ATP8B1: variants seen among roughly 807,000 people sequenced by gnomAD.
The protein encoded by ATP8B1 is ATPase phospholipid transporting 8B1, also known as phospholipid-transporting ATPase IC.
In ATP8B1, 80 loss-of-function variants were observed where a neutral mutation model predicts 149.9. The ratio of observed to expected loss-of-function variants is 0.53; its 90% CI spans 0.45 to 0.64. The LOEUF is 0.64. ATP8B1 is among the 30% of genes least tolerant of loss of function. ATP8B1 has a pLI of 0.00. For missense variants in ATP8B1, 1,247 were observed against 1,552.6 expected, an observed-to-expected ratio of 0.80 and a Z score of 3.31; for synonymous variants, 536 against 562.8, an observed-to-expected ratio of 0.95 and a Z score of 0.67.
At chr18:57,661,135 A>G (rs1172993347) in intron 22 of ATP8B1, 39 bp downstream of exon 22, 15 of 1,609,006 alleles carry the variant, frequency 9.3e-6, no homozygotes, top group Non-Finnish European at 1.2e-5. Context: ...TCTCCTCTCT[A>G]GCACGTTGGG....
chr18:57,796,799 G>A (rs2123468922), intron 1 of ATP8B1, among the ~76,000 whole-genome samples: 1 of 152,288 alleles, frequency 6.6e-6, no homozygotes, highest in Non-Finnish European at 1.5e-5. Flanking sequence ...CGATTCTCCT[G>A]CCTCAGCCTC....
intron 1 of ATP8B1, among the ~76,000 whole-genome samples, chr18:57,799,078 C>G (rs1191955571): frequency 4.6e-5 from 7 of 152,326 alleles, no homozygotes; most frequent in African/African-American, 1.7e-4. Context: ...CCTAAGCTAT[C>G]TCATTTGGAA....
At chr18:57,780,505 G>A (rs1381562288) in intron 1 of ATP8B1, among the ~76,000 whole-genome samples, 1 of 152,198 alleles carries the variant, frequency 6.6e-6, no homozygotes, top group Non-Finnish European at 1.5e-5. Flanking sequence ...GGGTGAGGGG[G>A]TGTGGAGAGC....
intron 1 of ATP8B1, chr18:57,755,369 GATA>G (rs2080066251): frequency 2.3e-5 from 1 of 42,642 alleles, no homozygotes; most frequent in Non-Finnish European, 4.7e-5. Context: ...TCTCTACCAA[GATA>G]AAAAAAAAAA....
rs1243947080 is a variant in ATP8B1 at position 57,802,289 on chromosome 18, A to G, written c.-26+709T>C. Among the ~76,000 whole-genome samples the G allele has an allele frequency of 6.6e-6, 1 of 152,130 alleles. No homozygotes were observed. The highest frequency in any genetic ancestry group is 2.4e-5 in the African/African-American group (1 of 41,430). On this transcript the variant is annotated intron_variant, in intron 1 of 27. Transcript: ENST00000648908. This position sits in a 1 kb window ranked among gnomAD's most constrained non-coding sequence, Gnocchi z 4.9. ...AGCGAGGTGACAGCGCAGGGCACCAAACTGCTGAGGGAAGGAGATGCCTGC... is the reference window on the plus strand; with the variant it reads ...AGCGAGGTGACAGCGCAGGGCACCAGACTGCTGAGGGAAGGAGATGCCTGC...
At chr18:57,735,676 T>G (rs1163459841) in intron 1 of ATP8B1, 1 of 152,214 alleles carries the variant, frequency 6.6e-6, no homozygotes, top group East Asian at 1.9e-4. Context: ...GTACGTATAC[T>G]TTCATGGTTT....
At chr18:57,755,319 A>G (rs1415702660) in intron 1 of ATP8B1, 3 of 152,150 alleles carry the variant, frequency 2.0e-5, no homozygotes, top group Admixed American at 6.6e-5. Context: ...AACATTTGGG[A>G]AGGGAAAGAT....
At chr18:57,717,219 TAAG>T (rs1238264414) in intron 2 of ATP8B1, among the ~76,000 whole-genome samples, 1 of 151,866 alleles carries the variant, frequency 6.6e-6, no homozygotes, top group Non-Finnish European at 1.5e-5. Flanking sequence ...CATCAAAAAA[TAAG>T]AAAAACTTCA....
intron 1 of ATP8B1, among the ~76,000 whole-genome samples, chr18:57,769,095 G>C (rs562533770): frequency 6.6e-6 from 1 of 152,308 alleles, no homozygotes; most frequent in South Asian, 2.1e-4. Flanking sequence ...ACTCAGACAG[G>C]ACAGCTTCCT....
intron 15 of ATP8B1, among the ~76,000 whole-genome samples, chr18:57,677,710 G>A (rs890616516): frequency 4.6e-5 from 7 of 152,050 alleles, no homozygotes; most frequent in Non-Finnish European, 1.0e-4. Context: ...TCCTAAATCC[G>A]GCCATCTAGC....
chr18:57,718,103 T>TAAAAAAAAAAA (rs59629558), intron 2 of ATP8B1, among the ~76,000 whole-genome samples: 208 of 31,614 alleles, frequency 6.6e-3, no homozygotes, highest in Non-Finnish European at 8.2e-3. Context: ...CTGGACTAAC[T>TAAAAAAAAAAA]AAAAAAAAAA....
intron 27 of ATP8B1, among the ~76,000 whole-genome samples, 162 bp from the exon 28 acceptor site, chr18:57,648,874 G>GTGTGTGTGTGTGTGTT (rs1283657146): frequency 7.8e-6 from 1 of 127,556 alleles, no homozygotes. Context: ...GTGTGTGTGT[G>GTGTGTGTGTGTGTGTT]TGTGTGTGTG....
Position 57,684,091 on chromosome 18 carries a change from T to C in ATP8B1, c.1575A>G (p.Arg525=), listed in dbSNP as rs1415654053. The C allele has an allele frequency of 6.2e-7, 1 of 1,614,142 alleles. No homozygotes were observed. Among genetic ancestry groups the C allele is most frequent in the African/African-American group, 1.3e-5 (1 of 75,036 alleles). The change falls in exon 15 of 28, where the codon CGA becomes CGG. Residue 525 remains arginine (R), a synonymous_variant. Transcript: ENST00000648908. Reference sequence around the variant, plus strand: ...AAACTGCGAGCAAGAAGAAGAACTGTCGTACTTCTGGCTCTTTCCCTGACT... The same window carrying C: ...AAACTGCGAGCAAGAAGAAGAACTGCCGTACTTCTGGCTCTTTCCCTGACT... The part of the protein sequence containing the change: ...QIQSGKEPEV[R]QFFFLLAVCH...
chr18:57,664,453 C>G (rs565505382), intron 20 of ATP8B1, among the ~76,000 whole-genome samples: 14 of 142,672 alleles, frequency 9.8e-5, no homozygotes, highest in African/African-American at 3.4e-4. Flanking sequence ...TTGCAATGAG[C>G]CAAGATTGCA....
chr18:57,731,820 T>G lies in ATP8B1; in HGVS notation c.-13A>C, dbSNP rs1162633867. On this transcript the variant is annotated 5_prime_UTR_variant, in exon 2 of 28. Transcript: ENST00000648908. ...TTTCTGTACTCATTCTGCTGGCAAA[T>G]TGGAACTACCTGCTTAAAAGGAAAG... 1 of 1,613,962 alleles carries G rather than the reference T, an allele frequency of 6.2e-7. No individual in the cohort carries two copies. Among genetic ancestry groups the G allele is most frequent in the Middle Eastern group, 1.6e-4 (1 of 6,062 alleles).
At chr18:57,719,393 G>C (rs964180641) in intron 2 of ATP8B1, among the ~76,000 whole-genome samples, 1 of 152,226 alleles carries the variant, frequency 6.6e-6, no homozygotes, top group Non-Finnish European at 1.5e-5. Context: ...GCGCAGGCCA[G>C]TGGGTGCGCG....
At chr18:57,764,528 C>A (rs2080191394) in intron 1 of ATP8B1, among the ~76,000 whole-genome samples, 1 of 151,742 alleles carries the variant, frequency 6.6e-6, no homozygotes, top group Non-Finnish European at 1.5e-5. Flanking sequence ...AAGTGTTTCT[C>A]CTGCCTCAGC....
rs566758236 is a variant in ATP8B1 at position 57,762,388 on chromosome 18, G to A, written c.-25-30556C>T. On this transcript the variant is annotated intron_variant, in intron 1 of 27. Transcript: ENST00000648908. Reference sequence around the variant, plus strand: ...TCCTGACCTCAAGTGATCTGCCCGCGTCAGCCCCCCGAAGTGCTGAGATTA... The same window carrying A: ...TCCTGACCTCAAGTGATCTGCCCGCATCAGCCCCCCGAAGTGCTGAGATTA... 8.6e-5 allele frequency among the ~76,000 whole-genome samples: 13 copies of A among 151,956 alleles called. No individual in the cohort carries two copies. The South Asian group carries it at 2.7e-3, about 32-fold the overall frequency.
intron 17 of ATP8B1, among the ~76,000 whole-genome samples, chr18:57,670,121 T>A (rs1416768588): frequency 6.6e-6 from 1 of 152,146 alleles, no homozygotes; most frequent in Non-Finnish European, 1.5e-5. Flanking sequence ...GGGAGCTGCC[T>A]TGGGGTGTAA....
Sources: gnomAD v4.1 joint callset for allele counts (sites outside exome capture counted in the v4.1 genomes callset) on GRCh38, gnomAD v4.1.1 for gene constraint, Gnocchi (gnomAD v3.1) non-coding constraint, MANE v1.5 for transcripts, NCBI Gene and HGNC (gene_info 2026-07-23, HGNC 2026-07-21) for gene names.